TENM4: variants seen among roughly 807,000 people sequenced by gnomAD.
The protein encoded by TENM4 is teneurin transmembrane protein 4.
TENM4 carries 82 observed loss-of-function variants against 243.3 expected under a neutral mutation model. The observed-to-expected ratio is 0.34, with a 90% confidence interval of 0.28 to 0.40. The LOEUF is 0.40. Among genes scored for constraint, TENM4 ranks in the 10% least tolerant of loss-of-function variants. The probability of loss-of-function intolerance (pLI) is 1.00; values close to 1 mark genes in which losing one functional copy is unlikely to be tolerated. For missense variants in TENM4, 3,138 were observed against 3,673.3 expected (o/e 0.85, Z 3.77); for synonymous variants, 1,412 against 1,456.3 (o/e 0.97, Z 0.69).
intron 13 of TENM4, among the ~76,000 whole-genome samples, chr11:78,812,586 A>C (rs1274623850): frequency 6.6e-6 from 1 of 152,200 alleles, no homozygotes; most frequent in Non-Finnish European, 1.5e-5. Flanking sequence ...GATGGGGTAC[A>C]GTGGCTGCCA....
At chr11:78,946,283 C>A (rs1340943996) in intron 6 of TENM4, among the ~76,000 whole-genome samples, 1 of 152,210 alleles carries the variant, frequency 6.6e-6, no homozygotes, top group Non-Finnish European at 1.5e-5. Flanking sequence ...AAGAATGATG[C>A]TAAATCTACT....
chr11:79,019,859 C>A (rs17137614), intron 6 of TENM4, among the ~76,000 whole-genome samples: 3,210 of 152,260 alleles, frequency 0.021, 113 homozygotes, highest in African/African-American at 0.073. Flanking sequence ...AGAAACAAGA[C>A]TTGAATTGCA....
chr11:79,020,361 A>T (rs1858896086), intron 6 of TENM4, among the ~76,000 whole-genome samples: 1 of 152,216 alleles, frequency 6.6e-6, no homozygotes, highest in Non-Finnish European at 1.5e-5. Flanking sequence ...TTTAATATTA[A>T]CTATCTCATT....
At chr11:78,770,160 A>G (rs145286679) in intron 18 of TENM4, among the ~76,000 whole-genome samples, 38 of 152,328 alleles carry the variant, frequency 2.5e-4, no homozygotes, top group Non-Finnish European at 5.1e-4. Flanking sequence ...ACCACCTGTG[A>G]GTGGGAGAAT....
At chr11:78,662,912 TCTC>T (rs35923441) in intron 32 of TENM4, among the ~76,000 whole-genome samples, 37,364 of 152,134 alleles carry the variant, frequency 0.25, 5,615 homozygotes, top group Middle Eastern at 0.38. Flanking sequence ...GTGCCATTTT[TCTC>T]AGGCACTGGT....
chr11:78,790,543 A>G (rs1857033593), intron 15 of TENM4, among the ~76,000 whole-genome samples: 1 of 152,244 alleles, frequency 6.6e-6, no homozygotes, highest in African/African-American at 2.4e-5. Context: ...CAAGGCTGTG[A>G]AAATGCCTGG....
At chr11:79,066,366 A>C (rs1860246504) in intron 5 of TENM4, among the ~76,000 whole-genome samples, 1 of 152,192 alleles carries the variant, frequency 6.6e-6, no homozygotes, top group South Asian at 2.1e-4. Context: ...TGCAAAGGAA[A>C]GCAAGAAAGA....
intron 3 of TENM4, among the ~76,000 whole-genome samples, chr11:79,209,941 A>T (rs1863926095): frequency 2.0e-5 from 3 of 152,342 alleles, no homozygotes; most frequent in Admixed American, 2.0e-4. Flanking sequence ...AGAGCCAAAA[A>T]TATATAGGTT....
rs75420550 is a variant in TENM4 at position 79,099,237 on chromosome 11, C to A, written c.-65-29228G>T. Among the ~76,000 whole-genome samples the A allele has an allele frequency of 1.0e-3, 157 of 152,228 alleles. 2 individuals carry two copies. Among genetic ancestry groups the A allele is most frequent in the African/African-American group, 3.7e-3 (154 of 41,554 alleles). On this transcript the variant is annotated intron_variant, in intron 4 of 33. Transcript: ENST00000278550. Reference sequence around the variant, plus strand: ...TGCCAGGGGTGCATCTGAGGGAGTGCTGCTGGGATTTCCTTCTGTGGGGAT... The same window carrying A: ...TGCCAGGGGTGCATCTGAGGGAGTGATGCTGGGATTTCCTTCTGTGGGGAT...
At chr11:79,175,136 C>G (rs890902106) in intron 3 of TENM4, among the ~76,000 whole-genome samples, 2 of 152,190 alleles carry the variant, frequency 1.3e-5, no homozygotes, top group African/African-American at 2.4e-5. Context: ...ATTGGACCGT[C>G]AAACCTGGTG....
chr11:79,291,081 G>A (rs1021450695), intron 2 of TENM4, among the ~76,000 whole-genome samples: 2 of 152,158 alleles, frequency 1.3e-5, no homozygotes, highest in Non-Finnish European at 1.5e-5. Context: ...TTTTTGCTGT[G>A]GTGGCTCTGG....
chr11:78,684,301 C>T lies in TENM4; in HGVS notation c.5260+3753G>A, dbSNP rs530827330. Among the ~76,000 whole-genome samples, 111 of 152,354 alleles carry T rather than the reference C, an allele frequency of 7.3e-4. 1 individual carries two copies. The highest frequency in any genetic ancestry group is 2.5e-3 in the African/African-American group (104 of 41,586). ...GCCAAATTCTTAACCTTCCATGCCT[C>T]TGGTACTTCATCAGTACACTAGGAC... On this transcript the variant is annotated intron_variant, in intron 29 of 33. Coordinates refer to ENST00000278550, the MANE Select transcript of TENM4 (RefSeq NM_001098816.3).
At chr11:78,930,304 T>C (rs1408205415) in intron 6 of TENM4, among the ~76,000 whole-genome samples, 1 of 152,240 alleles carries the variant, frequency 6.6e-6, no homozygotes, top group Non-Finnish European at 1.5e-5. Flanking sequence ...CCGAAAGCTC[T>C]GTTTATGCCA....
At chr11:79,218,205 C>T (rs984629860) in intron 2 of TENM4, among the ~76,000 whole-genome samples, 1 of 151,610 alleles carries the variant, frequency 6.6e-6, no homozygotes, top group Non-Finnish European at 1.5e-5. Context: ...ATTACCCTGC[C>T]TTGTTCATTA....
chr11:78,751,989 G>GTCC, intron 19 of TENM4, among the ~76,000 whole-genome samples: 1 of 152,218 alleles, frequency 6.6e-6, no homozygotes, highest in Non-Finnish European at 1.5e-5. Context: ...ATCCAGGCCA[G>GTCC]GAGAGAATGG....
intron 6 of TENM4, among the ~76,000 whole-genome samples, chr11:78,956,825 T>G (rs1857216476): frequency 6.6e-6 from 1 of 152,236 alleles, no homozygotes; most frequent in African/African-American, 2.4e-5. Context: ...TAAGTATTCA[T>G]GTTTCACGGC....
chr11:78,785,520 T>A (rs755892621), intron 16 of TENM4, among the ~76,000 whole-genome samples: 1 of 152,160 alleles, frequency 6.6e-6, no homozygotes, highest in African/African-American at 2.4e-5. Flanking sequence ...TCTACCTCTT[T>A]GAAGTTCCGT....
At position 79,111,454 on chromosome 11, in the gene TENM4, A is replaced by G. The variant is rs147673446; in HGVS notation, c.-66+37256T>C. Reference sequence around the variant, plus strand: ...CAGCTACTTGGGAGGCTGAGGCAGGAGAATGGTGTGAACCCGGGAGGTGGA... The same window carrying G: ...CAGCTACTTGGGAGGCTGAGGCAGGGGAATGGTGTGAACCCGGGAGGTGGA... On this transcript the variant is annotated intron_variant, in intron 4 of 33. Transcript: ENST00000278550. Among the ~76,000 whole-genome samples the G allele has an allele frequency of 1.0e-3, 155 of 152,248 alleles. 2 individuals are homozygous for G. In the East Asian group the frequency reaches 0.022, roughly 22 times the overall value.
rs566862494 is a variant in TENM4 at position 79,406,093 on chromosome 11, C to T, written c.-321+34416G>A. 5.9e-5 allele frequency among the ~76,000 whole-genome samples: 9 copies of T among 152,196 alleles called. No individual in the cohort carries two copies. In the South Asian group the frequency reaches 1.9e-3, roughly 32 times the overall value. On this transcript the variant is annotated intron_variant, in intron 1 of 33. Transcript: ENST00000278550. ...GCTGATGTTTCTTGGCCTGACTGTGCAGACATACAATCTTGACCAAAGACA... is the reference window on the plus strand; with the variant it reads ...GCTGATGTTTCTTGGCCTGACTGTGTAGACATACAATCTTGACCAAAGACA...
Sources: allele counts gnomAD v4.1 joint callset (sites outside exome capture counted in the v4.1 genomes callset), GRCh38; gene constraint gnomAD v4.1.1; transcripts MANE v1.5; gene names NCBI Gene and HGNC (gene_info 2026-07-23, HGNC 2026-07-21).